GPC6: variants seen among roughly 807,000 people sequenced by gnomAD.
GPC6 encodes the protein glypican 6.
In GPC6, 14 loss-of-function variants were observed where a neutral mutation model predicts 55.2. That is an observed-to-expected ratio of 0.25 (90% CI 0.17 to 0.40). The LOEUF (loss-of-function observed/expected upper bound fraction) is 0.40, where lower values mean the gene tolerates loss of function less well. Ranked by LOEUF, GPC6 falls within the 10% of genes least tolerant of loss-of-function variation. The pLI is 1.00. For missense variants in GPC6, 641 were observed against 708.5 expected, an observed-to-expected ratio of 0.90 and a Z score of 1.08; for synonymous variants, 278 against 259.6, an observed-to-expected ratio of 1.07 and a Z score of -0.68.
At chr13:93,570,962 G>C (rs757917131) in intron 2 of GPC6, among the ~76,000 whole-genome samples, 2 of 152,034 alleles carry the variant, frequency 1.3e-5, no homozygotes, top group African/African-American at 2.4e-5. Flanking sequence ...CGAGAGTCCT[G>C]ATGTTGGTCT....
Position 93,974,265 on chromosome 13 carries a change from T to C in GPC6, c.712-53464T>C, listed in dbSNP as rs556519085. 2.0e-5 allele frequency among the ~76,000 whole-genome samples: 3 copies of C among 152,344 alleles called. No individual in the cohort carries two copies. In the South Asian group the frequency reaches 6.2e-4, roughly 32 times the overall value. ...GCATTGTTAGTTTCATTAACATTTA[T>C]TCTAAGGTCTTTCTGTGATTAAAAA... On this transcript the variant is annotated intron_variant, in intron 3 of 8. Transcript: ENST00000377047.
At position 93,231,523 on chromosome 13, in the gene GPC6, G is replaced by A. The variant is rs372659718; in HGVS notation, c.160+3907G>A. On this transcript the variant is annotated intron_variant, in intron 1 of 8. Coordinates refer to ENST00000377047, the MANE Select transcript of GPC6 (RefSeq NM_005708.5). ...AAATACGTTTCTATTTTGTTCCAACGTCTCTAATTCTCAATATCACTTTGA... is the reference window on the plus strand; with the variant it reads ...AAATACGTTTCTATTTTGTTCCAACATCTCTAATTCTCAATATCACTTTGA... Among the ~76,000 whole-genome samples the A allele has an allele frequency of 1.7e-4, 26 of 149,376 alleles. 1 individual carries two copies. The East Asian group carries it at 3.4e-3, about 19-fold the overall frequency.
rs1883940400 is a variant in GPC6 at position 94,051,303 on chromosome 13, C to T, written c.877+23409C>T. On this transcript the variant is annotated intron_variant, in intron 4 of 8. Coordinates refer to ENST00000377047, the MANE Select transcript of GPC6 (RefSeq NM_005708.5). ...CACAACAGGATTCTTCAAACCTATC[C>T]ATCATCTGCCCTCAAAATCCACTAC... Among the ~76,000 whole-genome samples, 3 of 152,266 alleles carry T rather than the reference C, an allele frequency of 2.0e-5. No individual in the cohort carries two copies. The South Asian group carries it at 6.2e-4, about 32-fold the overall frequency.
At chr13:93,421,605 C>T (rs753274526) in intron 1 of GPC6, among the ~76,000 whole-genome samples, 26 of 152,004 alleles carry the variant, frequency 1.7e-4, no homozygotes, top group Non-Finnish European at 3.5e-4. Flanking sequence ...TATAATGCAA[C>T]ATTTATTGAA....
intron 1 of GPC6, among the ~76,000 whole-genome samples, chr13:93,392,497 C>G (rs1380293890): frequency 6.6e-6 from 1 of 152,140 alleles, no homozygotes; most frequent in Non-Finnish European, 1.5e-5. Flanking sequence ...AATAGATCTC[C>G]TAATTTGCAG....
At chr13:93,832,327 G>A (rs1025273776) in intron 3 of GPC6, among the ~76,000 whole-genome samples, 7 of 151,080 alleles carry the variant, frequency 4.6e-5, no homozygotes, top group Non-Finnish European at 7.4e-5. Flanking sequence ...TTGAGTAGAT[G>A]CATTTTGTTG....
chr13:93,965,497 T>C (rs1241794447), intron 3 of GPC6, among the ~76,000 whole-genome samples: 1 of 152,178 alleles, frequency 6.6e-6, no homozygotes, highest in Non-Finnish European at 1.5e-5. Flanking sequence ...TTTATTTGGG[T>C]TGACCTTGTA....
intron 4 of GPC6, among the ~76,000 whole-genome samples, chr13:94,118,559 G>A (rs140389195): frequency 2.0e-4 from 30 of 152,082 alleles, no homozygotes; most frequent in African/African-American, 3.9e-4. Context: ...AACATATGGC[G>A]TTTCTCCTTC....
At chr13:94,019,811 T>A (rs1331839541) in intron 3 of GPC6, among the ~76,000 whole-genome samples, 1 of 152,210 alleles carries the variant, frequency 6.6e-6, no homozygotes, top group African/African-American at 2.4e-5. Flanking sequence ...AGCGTACAAC[T>A]GTTCATAGCA....
chr13:93,309,618 G>A (rs1324444738), intron 1 of GPC6, among the ~76,000 whole-genome samples: 1 of 152,112 alleles, frequency 6.6e-6, no homozygotes, highest in Non-Finnish European at 1.5e-5. Flanking sequence ...TAGTCATACA[G>A]CAAGTATATT....
chr13:93,556,408 G>GTGTA (rs1875475679), intron 2 of GPC6, among the ~76,000 whole-genome samples: 7 of 130,960 alleles, frequency 5.3e-5, no homozygotes, highest in Admixed American at 8.1e-5. Flanking sequence ...GTATGTATAT[G>GTGTA]TATATATATA....
chr13:94,115,174 G>A (rs1816514261), intron 4 of GPC6, among the ~76,000 whole-genome samples: 1 of 152,104 alleles, frequency 6.6e-6, no homozygotes, highest in South Asian at 2.1e-4. Context: ...TTTGAAGGAT[G>A]TACTTCATCC....
At chr13:93,396,616 G>A in intron 1 of GPC6, among the ~76,000 whole-genome samples, 1 of 151,794 alleles carries the variant, frequency 6.6e-6, no homozygotes, top group East Asian at 1.9e-4. Context: ...TATAAGCTCT[G>A]GAACTAGGCT....
intron 4 of GPC6, among the ~76,000 whole-genome samples, chr13:94,172,029 G>C (rs992478380): frequency 2.0e-5 from 3 of 152,164 alleles, no homozygotes; most frequent in African/African-American, 7.2e-5. Context: ...TGGATGAATA[G>C]TTTGGAAAGA....
At chr13:93,367,006 T>C (rs1249147557) in intron 1 of GPC6, among the ~76,000 whole-genome samples, 1 of 152,106 alleles carries the variant, frequency 6.6e-6, no homozygotes, top group Admixed American at 6.6e-5. Flanking sequence ...ATGCTGGGAA[T>C]GTGCTGGTGA....
intron 1 of GPC6, among the ~76,000 whole-genome samples, chr13:93,365,124 C>T (rs1431549536): frequency 5.3e-5 from 8 of 152,146 alleles, no homozygotes; most frequent in Admixed American, 5.2e-4. Flanking sequence ...TTCTCTGAAG[C>T]CATGGACCAG....
intron 1 of GPC6, among the ~76,000 whole-genome samples, chr13:93,229,567 G>A (rs1302691663): frequency 6.6e-6 from 1 of 152,136 alleles, no homozygotes; most frequent in Non-Finnish European, 1.5e-5. Flanking sequence ...CACCATGAAT[G>A]TTTGTTGAGA....
At chr13:93,265,048 G>A (rs1877277705) in intron 1 of GPC6, among the ~76,000 whole-genome samples, 1 of 151,974 alleles carries the variant, frequency 6.6e-6, no homozygotes, top group Non-Finnish European at 1.5e-5. Flanking sequence ...CTTAAATCTG[G>A]CCTGCTTTAT....
intron 1 of GPC6, among the ~76,000 whole-genome samples, chr13:93,477,218 A>G (rs1040472260): frequency 1.3e-5 from 2 of 152,160 alleles, no homozygotes; most frequent in African/African-American, 4.8e-5. Context: ...CCCAGATTTT[A>G]AAATATTTAT....
Sources: allele counts gnomAD v4.1 joint callset (sites outside exome capture counted in the v4.1 genomes callset), GRCh38; gene constraint gnomAD v4.1.1; transcripts MANE v1.5; gene names NCBI Gene and HGNC (gene_info 2026-07-23, HGNC 2026-07-21).